MAPK14: variants seen among roughly 807,000 people sequenced by gnomAD.
The protein encoded by MAPK14 is CSAID-binding protein.
A neutral mutation model predicts 49.6 loss-of-function variants in MAPK14; 16 were observed. That is an observed-to-expected ratio of 0.32 (90% confidence interval 0.22 to 0.49). The LOEUF (loss-of-function observed/expected upper bound fraction) is 0.49, where lower values mean the gene tolerates loss of function less well. Among genes scored for constraint, MAPK14 ranks in the 20% least tolerant of loss-of-function variants. The pLI, the probability that MAPK14 is intolerant of heterozygous loss-of-function variation, is 0.99. For synonymous variants in MAPK14, 142 were observed against 158.0 expected (o/e 0.90, Z 0.76); for missense variants, 200 against 441.2 (o/e 0.45, Z 4.90).
intron 1 of MAPK14, among the ~76,000 whole-genome samples, chr6:36,050,027 C>T (rs556547221): frequency 2.6e-5 from 4 of 152,188 alleles, no homozygotes; most frequent in Admixed American, 2.0e-4. Flanking sequence ...CGATCATTTT[C>T]GAGTAGGAAA....
At chr6:36,054,727 A>G (rs1308935458) in intron 2 of MAPK14, among the ~76,000 whole-genome samples, 1 of 152,222 alleles carries the variant, frequency 6.6e-6, no homozygotes, top group East Asian at 1.9e-4. Flanking sequence ...GTTTTACCCA[A>G]TAAAGAACCA....
intron 1 of MAPK14, among the ~76,000 whole-genome samples, chr6:36,032,183 A>G (rs1043390431): frequency 7.2e-5 from 11 of 152,316 alleles, no homozygotes; most frequent in African/African-American, 2.6e-4. Flanking sequence ...TTATTGCTCT[A>G]AAGTGTGGTA....
intron 2 of MAPK14, among the ~76,000 whole-genome samples, chr6:36,056,928 A>G (rs1413400815): frequency 6.6e-6 from 1 of 152,196 alleles, no homozygotes; most frequent in African/African-American, 2.4e-5. Context: ...ACCAAACTCA[A>G]GGGAAACGAT....
At chr6:36,092,752 G>C (rs1044568900) in intron 8 of MAPK14, 2 of 264,686 alleles carry the variant, frequency 7.6e-6, no homozygotes, top group Non-Finnish European at 1.5e-5. Context: ...AGCAGTGTCA[G>C]CATACGCCGG....
intron 5 of MAPK14, 53 bp from the exon 6 acceptor site, chr6:36,073,996 A>C: frequency 7.7e-7 from 1 of 1,302,038 alleles, no homozygotes; most frequent in Non-Finnish European, 1.1e-6. Context: ...GTAGGGGGAG[A>C]ATTGATCATG....
intron 9 of MAPK14, among the ~76,000 whole-genome samples, chr6:36,099,364 T>G (rs1765555774): frequency 6.6e-6 from 1 of 152,220 alleles, no homozygotes; most frequent in Non-Finnish European, 1.5e-5. Context: ...AGAGAGAAGT[T>G]GTAGTACAGC....
rs1158857325 is a variant in MAPK14 at position 36,108,624 on chromosome 6, G to C, written c.*177G>C. On this transcript the variant is annotated 3_prime_UTR_variant, in exon 12 of 12. Coordinates refer to ENST00000229794, the MANE Select transcript of MAPK14 (RefSeq NM_139012.3). ...TGTGCATGTGTGTGTCTGTCTTTGTGGGAGGGTAAGACAATATGAACAAAC... is the reference window on the plus strand; with the variant it reads ...TGTGCATGTGTGTGTCTGTCTTTGTCGGAGGGTAAGACAATATGAACAAAC... 1.6e-6 allele frequency: 1 copy of C among 621,910 alleles called. No homozygotes were observed. Among genetic ancestry groups the C allele is most frequent in the Non-Finnish European group, 2.9e-6 (1 of 342,404 alleles). 38.5% of individuals were successfully genotyped at this position (621,910 alleles called of 1,614,324 possible).
chr6:36,093,742 A>C lies in MAPK14; in HGVS notation c.683-2245A>C, dbSNP rs891676417. ...TCTCAAAAAAAAAAAAAAAAAAAAA[A>C]ACAACTGACTCTCATTGTTAAGTAG... On this transcript the variant is annotated intron_variant, in intron 8 of 11. Coordinates refer to ENST00000229794, the MANE Select transcript of MAPK14 (RefSeq NM_139012.3). Among the ~76,000 whole-genome samples the C allele has an allele frequency of 1.3e-4, 20 of 148,570 alleles. No homozygotes were observed. The South Asian group carries it at 4.0e-3, about 30-fold the overall frequency.
intron 8 of MAPK14, 53 bp downstream of exon 8, chr6:36,076,661 A>G (rs755087316): frequency 6.6e-6 from 9 of 1,356,402 alleles, no homozygotes; most frequent in Non-Finnish European, 6.3e-6. Context: ...TCCAGTGTCC[A>G]TGGGTGTATA....
intron 10 of MAPK14, among the ~76,000 whole-genome samples, chr6:36,103,394 C>T (rs1473393905): frequency 6.6e-6 from 1 of 151,834 alleles, no homozygotes; most frequent in Non-Finnish European, 1.5e-5. Context: ...GGCTAGAGTA[C>T]AGTGGCACAA....
At chr6:36,041,821 AGTC>A (rs1300766955) in intron 1 of MAPK14, among the ~76,000 whole-genome samples, 1 of 152,246 alleles carries the variant, frequency 6.6e-6, no homozygotes, top group Non-Finnish European at 1.5e-5. Flanking sequence ...GAAATTTGCC[AGTC>A]GTCCATCAGT....
In MAPK14 at chr6:36,072,988, C is replaced by G. The variant is rs561297434; in HGVS notation, c.417+4C>G. ...CCAAATTCTCCGAGGTCTAAAGGTA[C>G]AGATAATACAAGTAATAATTTTTTA... On this transcript the variant is annotated splice_donor_region_variant and intron_variant, in intron 4 of 11. Coordinates refer to ENST00000229794, the MANE Select transcript of MAPK14 (RefSeq NM_139012.3). 6.6e-7 allele frequency: 1 copy of G among 1,524,180 alleles called. No homozygotes were observed. The highest frequency in any genetic ancestry group is 2.3e-5 in the East Asian group (1 of 44,422). 94.4% of individuals were successfully genotyped at this position (1,524,180 alleles called of 1,614,324 possible). A position where few individuals can be genotyped will look rare whatever the true frequency, so the allele number is the denominator to read the frequency against.
the MAPK14 span, among the ~76,000 whole-genome samples, chr6:36,123,781 G>A: frequency 5.3e-5 from 8 of 152,172 alleles, no homozygotes; most frequent in East Asian, 1.9e-4. Flanking sequence ...CAAACAGAGC[G>A]GAGGCCTGGG....
At chr6:36,113,343 TAAAAA>T (rs35876911), downstream of MAPK14, among the ~76,000 whole-genome samples, 7 of 71,738 alleles carry the variant, frequency 9.8e-5, no homozygotes, top group East Asian at 4.7e-4. Context: ...CCCTGTCTCA[TAAAAA>T]AAAAAAAAAA....
chr6:36,048,154 A>G lies in MAPK14; in HGVS notation c.117-4545A>G, dbSNP rs1173128882. ...CCTCCTGGATTCAAGTGATCCTCCC[A>G]CCTCAGACTCTCAAGTAGCTGGGGT... On this transcript the variant is annotated intron_variant, in intron 1 of 11. Transcript: ENST00000229794. Among the ~76,000 whole-genome samples, 4 of 150,620 alleles carry G rather than the reference A, an allele frequency of 2.7e-5. No homozygotes were observed. In the East Asian group the frequency reaches 7.8e-4, roughly 29 times the overall value.
chr6:36,079,776 G>A (rs983782348), intron 8 of MAPK14, among the ~76,000 whole-genome samples: 1 of 152,120 alleles, frequency 6.6e-6, no homozygotes, highest in African/African-American at 2.4e-5. Flanking sequence ...TATCCAATGT[G>A]GTGGTTATAG....
intron 8 of MAPK14, among the ~76,000 whole-genome samples, chr6:36,086,579 A>G (rs1221815525): frequency 6.6e-6 from 1 of 152,206 alleles, no homozygotes; most frequent in African/African-American, 2.4e-5. Context: ...CTGGACACAT[A>G]TGACCTCCCA....
chr6:36,083,770 C>T (rs1764862027), intron 8 of MAPK14, among the ~76,000 whole-genome samples: 1 of 152,236 alleles, frequency 6.6e-6, no homozygotes, highest in Non-Finnish European at 1.5e-5. Context: ...GTTAGTCTTT[C>T]CCCTTGCTGG....
At chr6:36,093,667 C>T (rs183889385) in intron 8 of MAPK14, among the ~76,000 whole-genome samples, 2 of 147,090 alleles carry the variant, frequency 1.4e-5, no homozygotes, top group Non-Finnish European at 3.0e-5. Context: ...TGCAGTGAGC[C>T]GAGATCGCGC....
Sources: allele counts gnomAD v4.1 joint callset (sites outside exome capture counted in the v4.1 genomes callset), GRCh38; gene constraint gnomAD v4.1.1; transcripts MANE v1.5; gene names NCBI Gene and HGNC (gene_info 2026-07-23, HGNC 2026-07-21).